The following RAPGEF4 variants were observed in gnomAD, a reference collection of about 807,000 sequenced individuals.
The protein encoded by RAPGEF4 is Rap guanine nucleotide exchange factor 4.
In RAPGEF4, 66 loss-of-function variants were observed where a neutral mutation model predicts 147.9. That is an observed-to-expected ratio of 0.45 (90% CI 0.37 to 0.55). The LOEUF (loss-of-function observed/expected upper bound fraction) is 0.55. Among genes scored for constraint, RAPGEF4 ranks in the 20% least tolerant of loss-of-function variants. The pLI is 0.00. For synonymous variants in RAPGEF4, 419 were observed against 442.7 expected (o/e 0.95, Z 0.67); for missense variants, 1,071 against 1,257.3 (o/e 0.85, Z 2.24).
intron 4 of RAPGEF4, among the ~76,000 whole-genome samples, chr2:172,839,731 C>G (rs1029041464): frequency 6.6e-6 from 1 of 152,186 alleles, no homozygotes; most frequent in African/African-American, 2.4e-5. Flanking sequence ...TTCTGGTTTA[C>G]ATACCTCTGA....
At position 172,960,809 on chromosome 2, in the gene RAPGEF4, C is replaced by G; in HGVS notation, c.587C>G (p.Thr196Ser). Reference sequence around the variant, plus strand: ...CCTCTTCGTCCTGCTAACACCATTACCAAGGTAATGGGATGTAGGTGGGTT... The same window carrying G: ...CCTCTTCGTCCTGCTAACACCATTAGCAAGGTAATGGGATGTAGGTGGGTT... Reference protein sequence around the residue: ...HVPLRPANTITKVPSEKILRA... With the variant: ...HVPLRPANTISKVPSEKILRA... The change falls in exon 7 of 31, where the codon ACC becomes AGC. Residue 196 changes from threonine (T) to serine (S), a missense_variant. By Grantham distance (58) the Thr-to-Ser change is moderately conservative (BLOSUM62 1). Transcript: ENST00000397081. The G allele has an allele frequency of 6.2e-7, 1 of 1,604,828 alleles. No homozygotes were observed. Among genetic ancestry groups the G allele is most frequent in the Non-Finnish European group, 8.5e-7 (1 of 1,174,508 alleles).
chr2:172,890,457 T>A (rs971015893), intron 4 of RAPGEF4, among the ~76,000 whole-genome samples: 1 of 152,252 alleles, frequency 6.6e-6, no homozygotes, highest in Non-Finnish European at 1.5e-5. Flanking sequence ...TGAAGAGTAA[T>A]CATTGGTTAT....
chr2:172,994,062 G>A (rs182816876), intron 15 of RAPGEF4, among the ~76,000 whole-genome samples: 22 of 152,300 alleles, frequency 1.4e-4, no homozygotes, highest in South Asian at 8.3e-4. Context: ...CAACCTTCTA[G>A]TAGAATTAAA....
At chr2:172,996,237 A>G (rs1197706268) in intron 15 of RAPGEF4, among the ~76,000 whole-genome samples, 1 of 152,180 alleles carries the variant, frequency 6.6e-6, no homozygotes, top group Non-Finnish European at 1.5e-5. Flanking sequence ...ATTTCCATAT[A>G]GGGAAAAAAG....
At chr2:172,902,369 C>T (rs1209283478) in intron 4 of RAPGEF4, among the ~76,000 whole-genome samples, 3 of 152,014 alleles carry the variant, frequency 2.0e-5, no homozygotes, top group East Asian at 3.9e-4. Flanking sequence ...ACGGCATGAC[C>T]TCGGCTCACT....
chr2:172,774,860 A>G (rs1324950654), intron 1 of RAPGEF4, among the ~76,000 whole-genome samples: 1 of 152,202 alleles, frequency 6.6e-6, no homozygotes, highest in Non-Finnish European at 1.5e-5. Context: ...CTAGACATGT[A>G]CCAGTATTGT....
chr2:173,013,063 G>T (rs576096403), intron 17 of RAPGEF4, among the ~76,000 whole-genome samples: 2 of 152,158 alleles, frequency 1.3e-5, no homozygotes, highest in Non-Finnish European at 2.9e-5. Flanking sequence ...TATGAATCTC[G>T]TGCTCAATTT....
At chr2:172,955,703 G>A (rs1203939753) in intron 6 of RAPGEF4, among the ~76,000 whole-genome samples, 1 of 152,220 alleles carries the variant, frequency 6.6e-6, no homozygotes, top group African/African-American at 2.4e-5. Context: ...TGGGGCTCTA[G>A]GAAGCAAACC....
chr2:172,843,572 A>G (rs554388027), intron 4 of RAPGEF4, among the ~76,000 whole-genome samples: 1 of 152,350 alleles, frequency 6.6e-6, no homozygotes, highest in African/African-American at 2.4e-5. Flanking sequence ...TACCACTTTG[A>G]AACCTAAACT....
intron 4 of RAPGEF4, among the ~76,000 whole-genome samples, chr2:172,838,332 C>T (rs1270465363): frequency 1.3e-5 from 2 of 152,016 alleles, no homozygotes; most frequent in African/African-American, 4.8e-5. Context: ...GGTAATGGGC[C>T]ATTATACCAC....
At chr2:172,857,174 G>GCGCGCA (rs1491278756) in intron 4 of RAPGEF4, among the ~76,000 whole-genome samples, 1 of 150,044 alleles carries the variant, frequency 6.7e-6, no homozygotes, top group African/African-American at 2.5e-5. Context: ...GTGTGCGCGC[G>GCGCGCA]CACACACACA....
intron 4 of RAPGEF4, among the ~76,000 whole-genome samples, chr2:172,872,678 C>T (rs569568389): frequency 6.6e-6 from 1 of 152,084 alleles, no homozygotes; most frequent in Non-Finnish European, 1.5e-5. Context: ...CTCTCTCTTT[C>T]CTGCTCCACC....
intron 10 of RAPGEF4, among the ~76,000 whole-genome samples, chr2:172,981,065 A>C (rs1388417292): frequency 1.3e-5 from 2 of 152,218 alleles, no homozygotes; most frequent in African/African-American, 4.8e-5. Context: ...TACAACTTTG[A>C]ATATGTCCAG....
chr2:172,955,257 G>A (rs1302685825), intron 6 of RAPGEF4, among the ~76,000 whole-genome samples: 1 of 152,150 alleles, frequency 6.6e-6, no homozygotes, highest in African/African-American at 2.4e-5. Context: ...TCTTGTAATG[G>A]AGGCTAAATT....
At chr2:173,023,641 C>A (rs1474005041) in intron 23 of RAPGEF4, among the ~76,000 whole-genome samples, 1 of 152,204 alleles carries the variant, frequency 6.6e-6, no homozygotes, top group Non-Finnish European at 1.5e-5. Context: ...CTTTCCGTTA[C>A]TCTCAAAAGG....
intron 1 of RAPGEF4, among the ~76,000 whole-genome samples, chr2:172,772,190 G>C (rs1683689175): frequency 6.6e-6 from 1 of 152,148 alleles, no homozygotes; most frequent in Non-Finnish European, 1.5e-5. Flanking sequence ...AGTGAGCCAT[G>C]ATCTGGCCAC....
chr2:172,991,052 C>T, intron 15 of RAPGEF4, 127 bp downstream of exon 15: 1 of 682,344 alleles, frequency 1.5e-6, no homozygotes, highest in East Asian at 2.7e-5. Context: ...TTTTTCCTCT[C>T]TATTGACTAA....
chr2:172,876,843 T>C lies in RAPGEF4; in HGVS notation c.445-40959T>C, dbSNP rs559328412. Reference sequence around the variant, plus strand: ...GGAATGGTACCAGCTCCTCCTTGTATGGTAGAATTTGGCTGTGAATCAGTC... The same window carrying C: ...GGAATGGTACCAGCTCCTCCTTGTACGGTAGAATTTGGCTGTGAATCAGTC... On this transcript the variant is annotated intron_variant, in intron 4 of 30. Transcript: ENST00000397081. Among the ~76,000 whole-genome samples, 16 of 151,992 alleles carry C rather than the reference T, an allele frequency of 1.1e-4. 1 individual carries two copies. The East Asian group carries it at 2.7e-3, about 26-fold the overall frequency.
chr2:172,795,465 C>T (rs1158815098), intron 2 of RAPGEF4, among the ~76,000 whole-genome samples: 1 of 152,190 alleles, frequency 6.6e-6, no homozygotes, highest in Non-Finnish European at 1.5e-5. Flanking sequence ...ACATAATTGT[C>T]TTCTCTAATC....
Sources: gnomAD v4.1 joint callset for allele counts (sites outside exome capture counted in the v4.1 genomes callset) on GRCh38, gnomAD v4.1.1 for gene constraint, MANE v1.5 for transcripts, NCBI Gene and HGNC (gene_info 2026-07-23, HGNC 2026-07-21) for gene names.